The following PPA1 variants were observed in gnomAD, a reference collection of about 807,000 sequenced individuals.
PPA1 encodes inorganic pyrophosphatase.
Under a neutral mutation model 41.8 loss-of-function variants are expected in PPA1, and 23 were observed. That is an observed-to-expected ratio of 0.55 (90% CI 0.40 to 0.78). The LOEUF (loss-of-function observed/expected upper bound fraction) is 0.78. Ranked by LOEUF, PPA1 falls within the 30% of genes least tolerant of loss-of-function variation. The pLI is 0.00. For synonymous variants in PPA1, 101 were observed against 116.8 expected, an observed-to-expected ratio of 0.86 and a Z score of 0.87; for missense variants, 320 against 361.6, an observed-to-expected ratio of 0.89 and a Z score of 0.93.
At chr10:70,209,834 A>G (rs1245089496) in intron 6 of PPA1, 149 bp from the exon 7 acceptor site, 2 of 930,640 alleles carry the variant, frequency 2.1e-6, no homozygotes, top group Non-Finnish European at 3.2e-6. Context: ...ATGACTTATC[A>G]CGGAAGTTCA....
chr10:70,220,911 A>C (rs1305315856), intron 2 of PPA1, among the ~76,000 whole-genome samples: 1 of 7,378 alleles, frequency 1.4e-4, no homozygotes, highest in African/African-American at 7.6e-4. Context: ...ATTTATATAT[A>C]ATATATATAA....
chr10:70,211,192 T>A (rs1237900637), intron 6 of PPA1, among the ~76,000 whole-genome samples: 1 of 152,232 alleles, frequency 6.6e-6, no homozygotes, highest in African/African-American at 2.4e-5. Context: ...AAAGAACTTA[T>A]AATTTACATG....
chr10:70,233,165 G>C (rs1463730530), intron 1 of PPA1, 99 bp downstream of exon 1: 2 of 1,318,574 alleles, frequency 1.5e-6, no homozygotes, highest in East Asian at 3.0e-5. Flanking sequence ...CCGCGTCGGA[G>C]ACCTGGGGCC....
intron 6 of PPA1, among the ~76,000 whole-genome samples, chr10:70,212,065 A>G (rs1423094288): frequency 2.0e-5 from 3 of 152,180 alleles, no homozygotes. Flanking sequence ...TCTCTGCTCT[A>G]AAGTCATCCT....
chr10:70,227,250 T>A (rs1840239192), intron 2 of PPA1, among the ~76,000 whole-genome samples: 1 of 152,236 alleles, frequency 6.6e-6, no homozygotes, highest in South Asian at 2.1e-4. Flanking sequence ...CTCTACCCAC[T>A]GGATTCGGAA....
chr10:70,233,371 C>G lies in PPA1; in HGVS notation c.-44G>C. ...CCGCCGCTGCCACAGAGCCACCAGC[C>G]CGCACGCGGCGCCGACTGACAAGGA... On this transcript the variant is annotated 5_prime_UTR_variant, in exon 1 of 11. Transcript: ENST00000373232. 1 of 1,527,448 alleles carries G rather than the reference C, an allele frequency of 6.5e-7. No homozygotes were observed. Among genetic ancestry groups the G allele is most frequent in the East Asian group, 2.5e-5 (1 of 39,340 alleles). 94.6% of individuals were successfully genotyped at this position (1,527,448 alleles called of 1,614,324 possible).
chr10:70,208,704 A>G (rs1839978519), intron 8 of PPA1, among the ~76,000 whole-genome samples: 1 of 151,994 alleles, frequency 6.6e-6, no homozygotes, highest in Non-Finnish European at 1.5e-5. Context: ...TGTTGGAAGG[A>G]CAATGTTTTC....
chr10:70,224,782 G>C lies in PPA1; in HGVS notation c.123+5559C>G, dbSNP rs367948233. ...TTTCGCTCTTGTTACCCAGGCTGGA[G>C]CACAATGGTGCAATCTCGGCTCACT... On this transcript the variant is annotated intron_variant, in intron 2 of 10. Transcript: ENST00000373232. Among the ~76,000 whole-genome samples, 5 of 152,136 alleles carry C rather than the reference G, an allele frequency of 3.3e-5. No homozygotes were observed. In the East Asian group the frequency reaches 5.8e-4, roughly 18 times the overall value.
Position 70,220,879 on chromosome 10 carries a change from C to T in PPA1, c.124-2062G>A, listed in dbSNP as rs1383483790. On this transcript the variant is annotated intron_variant, in intron 2 of 10. Coordinates refer to ENST00000373232, the MANE Select transcript of PPA1 (RefSeq NM_021129.4). ...ATAATTCTTATATATATAATATATACTTTATATATACTATATATATAATTT... is the reference window on the plus strand; with the variant it reads ...ATAATTCTTATATATATAATATATATTTTATATATACTATATATATAATTT... 9.1e-3 allele frequency among the ~76,000 whole-genome samples: 170 copies of T among 18,684 alleles called. 36 individuals are homozygous for T. Among genetic ancestry groups the T allele is most frequent in the African/African-American group, 0.018 (63 of 3,524 alleles). 12.3% of individuals were successfully genotyped at this position (18,684 alleles called of 152,430 possible).
At chr10:70,219,009 A>G (rs1385653818) in intron 2 of PPA1, among the ~76,000 whole-genome samples, 192 bp from the exon 3 acceptor site, 1 of 152,222 alleles carries the variant, frequency 6.6e-6, no homozygotes, top group Non-Finnish European at 1.5e-5. Flanking sequence ...AATATTCATT[A>G]TAGAATCAAG....
At chr10:70,218,020 G>A in intron 3 of PPA1, 89 bp from the exon 4 acceptor site, 1 of 1,182,362 alleles carries the variant, frequency 8.5e-7, no homozygotes, top group Non-Finnish European at 1.2e-6. Context: ...TGGTACCTAT[G>A]TTCCCTAATT....
At chr10:70,215,701 G>T (rs10999191) in intron 4 of PPA1, among the ~76,000 whole-genome samples, 16 of 150,464 alleles carry the variant, frequency 1.1e-4, no homozygotes, top group African/African-American at 3.4e-4. Context: ...GACTGGTCTC[G>T]AACTCCTGAC....
chr10:70,223,135 C>T (rs1028299429), intron 2 of PPA1, among the ~76,000 whole-genome samples: 3 of 152,022 alleles, frequency 2.0e-5, no homozygotes, highest in African/African-American at 7.2e-5. Context: ...GAGGCAGAGG[C>T]AGGAGGACCG....
chr10:70,221,780 C>A (rs904238286), intron 2 of PPA1, among the ~76,000 whole-genome samples: 1 of 152,106 alleles, frequency 6.6e-6, no homozygotes, highest in Non-Finnish European at 1.5e-5. Context: ...CGTTAAAACA[C>A]CACCAAATGA....
chr10:70,204,698 T>C (rs1839917581), intron 10 of PPA1, 175 bp downstream of exon 10: 3 of 532,308 alleles, frequency 5.6e-6, no homozygotes, highest in Non-Finnish European at 9.9e-6. Flanking sequence ...GTATGTGAGG[T>C]AATGATTTCG....
chr10:70,220,890 C>G lies in PPA1; in HGVS notation c.124-2073G>C, dbSNP rs56271832. 1.2e-3 allele frequency among the ~76,000 whole-genome samples: 10 copies of G among 8,262 alleles called. 1 individual carries two copies. Among genetic ancestry groups the G allele is most frequent in the Non-Finnish European group, 1.7e-3 (9 of 5,228 alleles). 5.4% of individuals were successfully genotyped at this position (8,262 alleles called of 152,430 possible). A position where few individuals can be genotyped will look rare whatever the true frequency, so the allele number is the denominator to read the frequency against. The stretch of plus-strand genomic sequence containing the variant: ...ATATATAATATATACTTTATATATA[C>G]TATATATATAATTTATATATAATAT... On this transcript the variant is annotated intron_variant, in intron 2 of 10. Transcript: ENST00000373232.
At chr10:70,207,784 T>C (rs1187901398) in intron 8 of PPA1, among the ~76,000 whole-genome samples, 2 of 152,230 alleles carry the variant, frequency 1.3e-5, no homozygotes, top group Non-Finnish European at 2.9e-5. Context: ...TAGCCCACTT[T>C]AGTCTAAAAT....
In PPA1 at chr10:70,203,174, A is replaced by C; in HGVS notation, c.851T>G (p.Phe284Cys). 1 of 1,609,264 alleles carries C rather than the reference A, an allele frequency of 6.2e-7. No homozygotes were observed. The highest frequency in any genetic ancestry group is 8.5e-7 in the Non-Finnish European group (1 of 1,176,780). Residue 284 changes from phenylalanine to cysteine, a missense_variant, in exon 11 of 11, where the codon TTC becomes TGC. Transcript: ENST00000373232. ...ATCTCATTAGTTTTTCTGGTGATGG[A>C]ACCACTTATCCACTGTATTCAGAGA... ...CTVPTDVDKW[F>C]HHQKN
intron 2 of PPA1, among the ~76,000 whole-genome samples, chr10:70,219,577 C>T (rs1158314559): frequency 6.6e-6 from 1 of 152,144 alleles, no homozygotes; most frequent in Non-Finnish European, 1.5e-5. Context: ...ATTATTCTCC[C>T]AATTCGGCTG....
Sources: allele counts gnomAD v4.1 joint callset (sites outside exome capture counted in the v4.1 genomes callset), GRCh38; gene constraint gnomAD v4.1.1; transcripts MANE v1.5; gene names NCBI Gene and HGNC (gene_info 2026-07-23, HGNC 2026-07-21).